Variants in TESMIN observed in about 807,000 individuals in gnomAD.
The protein encoded by TESMIN is CXC domain containing 2.
In TESMIN, 34 loss-of-function variants were observed where a neutral mutation model predicts 47.4. The observed-to-expected ratio is 0.72, with a 90% confidence interval of 0.55 to 0.96. TESMIN has a LOEUF of 0.96. Ranked by LOEUF, TESMIN falls within the 40% of genes least tolerant of loss-of-function variation. TESMIN has a pLI of 0.00. For synonymous variants in TESMIN, 278 were observed against 258.9 expected (o/e 1.07, Z -0.71); for missense variants, 610 against 637.2 (o/e 0.96, Z 0.46).
intron 9 of TESMIN, chr11:68,710,642 G>C: frequency 2.0e-6 from 1 of 499,176 alleles, no homozygotes; most frequent in East Asian, 3.3e-5. Flanking sequence ...CTCAGACAGT[G>C]AGGATGAGAA....
At chr11:68,718,896 A>C (rs1182050738) in intron 6 of TESMIN, among the ~76,000 whole-genome samples, 2 of 152,242 alleles carry the variant, frequency 1.3e-5, no homozygotes, top group African/African-American at 2.4e-5. Context: ...TCTAAGCATG[A>C]GGATAGACTA....
At position 68,738,796 on chromosome 11, in the gene TESMIN, A is replaced by G; in HGVS notation, c.829-8T>C. Reference sequence around the variant, plus strand: ...TGGTAAGGCTCCCTCAAGCTGTTCAAAGTCAAAGGCAAGGATATTTTGAAT... The same window carrying G: ...TGGTAAGGCTCCCTCAAGCTGTTCAGAGTCAAAGGCAAGGATATTTTGAAT... On this transcript the variant is annotated splice_region_variant and splice_polypyrimidine_tract_variant and intron_variant, in intron 5 of 9. Coordinates refer to ENST00000255087, the MANE Select transcript of TESMIN (RefSeq NM_004923.3). The G allele has an allele frequency of 6.2e-7, 1 of 1,606,344 alleles. No homozygotes were observed. The highest frequency in any genetic ancestry group is 8.5e-7 in the Non-Finnish European group (1 of 1,173,044).
At chr11:68,737,514 A>C in intron 6 of TESMIN, 1 of 985,710 alleles carries the variant, frequency 1.0e-6, no homozygotes. Flanking sequence ...CGATGGCAGA[A>C]CTCTGCAGGA....
intron 7 of TESMIN, among the ~76,000 whole-genome samples, chr11:68,714,899 C>A (rs1187430514): frequency 6.6e-6 from 1 of 152,170 alleles, no homozygotes; most frequent in Non-Finnish European, 1.5e-5. Context: ...AAATTCCAAC[C>A]CTTTTTGTTT....
In TESMIN at chr11:68,750,584, C is replaced by G; in HGVS notation, c.77G>C (p.Gly26Ala). 7 of 1,606,972 alleles carry G rather than the reference C, an allele frequency of 4.4e-6. No homozygotes were observed. The highest frequency in any genetic ancestry group is 5.9e-6 in the Non-Finnish European group (7 of 1,177,560). Residue 26 changes from glycine (G) to alanine (A), a missense_variant, in exon 2 of 10, where the codon GGT becomes GCT. Transcript: ENST00000255087. ...AMVTELLSPE[G>A]PFASENIGLK... ...GCCGATGTTCTCCGAAGCGAACGGA[C>G]CCTCGGGGCTTAAGAGCTCCGTCAC... is the stretch of plus-strand genomic sequence containing the variant.
In TESMIN at chr11:68,711,051, T is replaced by A; in HGVS notation, c.1159-2A>T. On this transcript the variant is annotated splice_acceptor_variant, in intron 8 of 9. Coordinates refer to ENST00000255087, the MANE Select transcript of TESMIN (RefSeq NM_004923.3). LOFTEE classifies it high-confidence loss of function. ...AATAGAAGAACACATAATTTGGGCCTGGTAATATAAAATGCTTCAATAAAA... is the reference window on the plus strand; with the variant it reads ...AATAGAAGAACACATAATTTGGGCCAGGTAATATAAAATGCTTCAATAAAA... The A allele has an allele frequency of 6.3e-7, 1 of 1,593,972 alleles. No individual in the cohort carries two copies. The highest frequency in any genetic ancestry group is 1.1e-5 in the South Asian group (1 of 87,160).
At chr11:68,721,914 G>T (rs1253980969) in intron 6 of TESMIN, among the ~76,000 whole-genome samples, 1 of 152,222 alleles carries the variant, frequency 6.6e-6, no homozygotes, top group Non-Finnish European at 1.5e-5. Flanking sequence ...GGCCACTATG[G>T]AAAGATACGG....
chr11:68,740,096 C>T (rs1481767060), intron 5 of TESMIN, among the ~76,000 whole-genome samples: 9 of 152,202 alleles, frequency 5.9e-5, no homozygotes, highest in Admixed American at 3.3e-4. Context: ...GAAGTCAACT[C>T]GGAGGCAGGG....
intron 5 of TESMIN, among the ~76,000 whole-genome samples, chr11:68,742,070 C>T (rs1334562535): frequency 1.3e-5 from 2 of 152,146 alleles, no homozygotes; most frequent in South Asian, 2.1e-4. Context: ...GGCAGAATGC[C>T]GGTCTGGAGG....
At chr11:68,743,064 G>T (rs1312270385) in intron 4 of TESMIN, among the ~76,000 whole-genome samples, 23 of 151,812 alleles carry the variant, frequency 1.5e-4, no homozygotes, top group Admixed American at 1.5e-3. Flanking sequence ...TTTTTGTAGA[G>T]ACAGGATCTT....
At position 68,708,758 on chromosome 11, in the gene TESMIN, C is replaced by CTT. The variant is rs33995694; in HGVS notation, c.1335-260_1335-259dup. Reference sequence around the variant, plus strand: ...CCAGCCTGGGCAACAAAGTGAGACCCTTTTTTTTTTTTTGATACTGAGTCC... The same window carrying CTT: ...CCAGCCTGGGCAACAAAGTGAGACCCTTTTTTTTTTTTTTTGATACTGAGTCC... On this transcript the variant is annotated intron_variant, in intron 9 of 9. Coordinates refer to ENST00000255087, the MANE Select transcript of TESMIN (RefSeq NM_004923.3). 3.7e-3 allele frequency among the ~76,000 whole-genome samples: 534 copies of CTT among 145,884 alleles called. 3 individuals are homozygous for CTT. Among genetic ancestry groups the CTT allele is most frequent in the South Asian group, 0.025 (114 of 4,628 alleles).
At position 68,721,995 on chromosome 11, in the gene TESMIN, C is replaced by T. The variant is rs140662949; in HGVS notation, c.918-6056G>A. On this transcript the variant is annotated intron_variant, in intron 6 of 9. Transcript: ENST00000255087. Reference sequence around the variant, plus strand: ...GGTATGTACGCAAAAGGAGTGAAAGCAGGGACTCAACCAGATACCTGCTAC... The same window carrying T: ...GGTATGTACGCAAAAGGAGTGAAAGTAGGGACTCAACCAGATACCTGCTAC... Among the ~76,000 whole-genome samples the T allele has an allele frequency of 4.3e-4, 66 of 152,296 alleles. 2 individuals are homozygous for T. The highest frequency in any genetic ancestry group is 2.2e-3 in the Admixed American group (34 of 15,294).
chr11:68,734,334 C>T (rs1035461398), intron 6 of TESMIN, among the ~76,000 whole-genome samples: 4 of 152,158 alleles, frequency 2.6e-5, no homozygotes, highest in South Asian at 2.1e-4. Context: ...CTTCCTCTAA[C>T]GTGTCTCTGG....
chr11:68,721,195 AT>A (rs1210199084), intron 6 of TESMIN, among the ~76,000 whole-genome samples: 1 of 152,190 alleles, frequency 6.6e-6, no homozygotes, highest in African/African-American at 2.4e-5. Context: ...GAGCATGTAG[AT>A]GTTTTATATA....
At position 68,738,930 on chromosome 11, in the gene TESMIN, TACC is replaced by T. The variant is rs1438083746; in HGVS notation, c.829-145_829-143del. 30 of 670,222 alleles carry T rather than the reference TACC, an allele frequency of 4.5e-5. No individual in the cohort carries two copies. The East Asian group carries it at 8.8e-4, about 20-fold the overall frequency. The allele number at this position is 670,222 out of a possible 1,614,324, so 41.5% of individuals were successfully genotyped here. Reference sequence around the variant, plus strand: ...CCTTTATAACCATGTCTGGCCTTATTACCACAAGGAATCCACTGACATTCGGAA... The same window carrying T: ...CCTTTATAACCATGTCTGGCCTTATTACAAGGAATCCACTGACATTCGGAA... On this transcript the variant is annotated intron_variant, in intron 5 of 9. Transcript: ENST00000255087.
chr11:68,725,186 G>A (rs575905840), intron 6 of TESMIN, among the ~76,000 whole-genome samples: 99 of 152,230 alleles, frequency 6.5e-4, no homozygotes, highest in African/African-American at 2.3e-3. Flanking sequence ...GAGAGCTGAC[G>A]GGGCTGCACT....
rs995492317 is a variant in TESMIN, at chr11:68,748,676, A to G, written c.472-1310T>C. Among the ~76,000 whole-genome samples the G allele has an allele frequency of 3.9e-5, 6 of 152,238 alleles. No homozygotes were observed. In the East Asian group the frequency reaches 1.2e-3, roughly 29 times the overall value. ...ATTCCATTCTGTTTAAACGATAAACATGTCTGTGCTGTATCTGGTCCATTT... is the reference window on the plus strand; with the variant it reads ...ATTCCATTCTGTTTAAACGATAAACGTGTCTGTGCTGTATCTGGTCCATTT... On this transcript the variant is annotated intron_variant, in intron 2 of 9. Transcript: ENST00000255087.
intron 6 of TESMIN, among the ~76,000 whole-genome samples, chr11:68,723,702 A>G (rs1946228937): frequency 6.6e-6 from 1 of 152,146 alleles, no homozygotes; most frequent in Non-Finnish European, 1.5e-5. Flanking sequence ...GTCAAAGGCC[A>G]TAATTATAGA....
chr11:68,748,777 T>C (rs1594305014), intron 2 of TESMIN, among the ~76,000 whole-genome samples: 1 of 152,354 alleles, frequency 6.6e-6, no homozygotes, highest in South Asian at 2.1e-4. Flanking sequence ...ACCAGCAATC[T>C]CTTAAAATTG....
Sources: gnomAD v4.1 joint callset for allele counts (sites outside exome capture counted in the v4.1 genomes callset) on GRCh38, gnomAD v4.1.1 for gene constraint, MANE v1.5 for transcripts, NCBI Gene and HGNC (gene_info 2026-07-23, HGNC 2026-07-21) for gene names.